FIGNL2: variants seen among roughly 807,000 people sequenced by gnomAD.
FIGNL2 encodes fidgetin-like protein 2.
For missense variants in FIGNL2, 1,060 were observed against 950.2 expected (o/e 1.12, Z -1.52); for synonymous variants, 565 against 484.0 (o/e 1.17, Z -2.20).
chr12:51,825,283 G>A (rs994130871), intron 1 of FIGNL2, among the ~76,000 whole-genome samples: 7 of 152,158 alleles, frequency 4.6e-5, no homozygotes, highest in African/African-American at 9.7e-5. Flanking sequence ...AGAAGACTCA[G>A]ATCTGGACTT....
chr12:51,824,797 A>G (rs1174577599), intron 1 of FIGNL2, among the ~76,000 whole-genome samples: 1 of 152,198 alleles, frequency 6.6e-6, no homozygotes, highest in African/African-American at 2.4e-5. Context: ...TAATCCCAAC[A>G]CTTTAGGAGG....
intron 1 of FIGNL2, among the ~76,000 whole-genome samples, chr12:51,831,426 GTAT>G (rs1247926329): frequency 2.3e-4 from 35 of 152,138 alleles, no homozygotes; most frequent in Non-Finnish European, 4.6e-4. Flanking sequence ...AGTTAAGCAG[GTAT>G]TATTTGCAGA....
At chr12:51,845,728 G>A (rs1404580612) in intron 1 of FIGNL2, 1 of 950,194 alleles carries the variant, frequency 1.1e-6, no homozygotes, top group Non-Finnish European at 1.3e-6. Flanking sequence ...GCAGGGGGAG[G>A]GGAAGGCAGG....
intron 1 of FIGNL2, among the ~76,000 whole-genome samples, chr12:51,834,414 C>A (rs1939545385): frequency 6.6e-6 from 1 of 152,168 alleles, no homozygotes; most frequent in African/African-American, 2.4e-5. Context: ...ACCCCCCACC[C>A]CATTGGGCTT....
intron 1 of FIGNL2, chr12:51,848,117 C>T: frequency 1.0e-6 from 1 of 984,994 alleles, no homozygotes; most frequent in Non-Finnish European, 1.2e-6. Flanking sequence ...GGACAAAGAC[C>T]TGACGGAGTG....
Position 51,820,730 on chromosome 12 carries a change from C to G in FIGNL2, c.1684G>C (p.Ala562Pro). The G allele has an allele frequency of 1.3e-6, 2 of 1,481,668 alleles. No homozygotes were observed. The highest frequency in any genetic ancestry group is 1.8e-6 in the Non-Finnish European group (2 of 1,125,576). 91.8% of individuals were successfully genotyped at this position (1,481,668 alleles called of 1,614,324 possible). The change falls in exon 2 of 2, where the codon GCC (alanine) becomes CCC (proline). Residue 562 changes from alanine (A) to proline (P), a missense_variant. Physicochemically the swap from Ala to Pro is conservative, Grantham distance 27. Coordinates refer to ENST00000618634, the MANE Select transcript of FIGNL2 (RefSeq NM_001384995.1). The part of the protein sequence containing the change: ...RFYVALPDSP[A>P]RGQILQRALA... The stretch of plus-strand genomic sequence containing the variant: ...GCCCGCTGCAGGATCTGCCCGCGGG[C>G]CGGGCTGTCGGGCAGCGCCACGTAG...
chr12:51,832,313 G>T (rs751206883), intron 1 of FIGNL2, among the ~76,000 whole-genome samples: 12 of 152,090 alleles, frequency 7.9e-5, no homozygotes, highest in Non-Finnish European at 1.8e-4. Flanking sequence ...CACTGTGCCC[G>T]GCCCCAAAAT....
At chr12:51,843,507 C>A (rs1161325418) in intron 1 of FIGNL2, among the ~76,000 whole-genome samples, 1 of 149,500 alleles carries the variant, frequency 6.7e-6, no homozygotes, top group Non-Finnish European at 1.5e-5. Context: ...AAGATCATGC[C>A]ACTGCACTGC....
intron 1 of FIGNL2, among the ~76,000 whole-genome samples, chr12:51,827,663 G>T (rs775112614): frequency 1.1e-4 from 16 of 152,208 alleles, no homozygotes; most frequent in Non-Finnish European, 2.1e-4. Flanking sequence ...CCCCAACCTT[G>T]CTGAGTGACA....
chr12:51,832,126 C>T (rs1281147032), intron 1 of FIGNL2, among the ~76,000 whole-genome samples: 7 of 152,142 alleles, frequency 4.6e-5, no homozygotes, highest in Non-Finnish European at 1.0e-4. Flanking sequence ...AAGCAATTCT[C>T]CTGCCTCAGC....
chr12:51,822,636 C>T (rs181519436), intron 1 of FIGNL2, among the ~76,000 whole-genome samples: 1 of 152,292 alleles, frequency 6.6e-6, no homozygotes, highest in East Asian at 1.9e-4. Context: ...AAATATTTTC[C>T]TCAGCGCCCA....
intron 1 of FIGNL2, among the ~76,000 whole-genome samples, chr12:51,826,225 G>A (rs952584381): frequency 6.6e-6 from 1 of 152,022 alleles, no homozygotes; most frequent in Admixed American, 6.5e-5. Flanking sequence ...GACCTCTCTT[G>A]ACCCTGGGTT....
chr12:51,826,866 G>A (rs907987862), intron 1 of FIGNL2, among the ~76,000 whole-genome samples: 2 of 151,308 alleles, frequency 1.3e-5, no homozygotes, highest in African/African-American at 2.5e-5. Flanking sequence ...GATGTCTCAC[G>A]TGAGTCTGAA....
rs1939803114 is a variant in FIGNL2 at position 51,848,629 on chromosome 12, G to A, written c.-101C>T. On this transcript the variant is annotated 5_prime_UTR_variant, in exon 1 of 2. Coordinates refer to ENST00000618634, the MANE Select transcript of FIGNL2 (RefSeq NM_001384995.1). ...CGGGGCGGCGGCGCGGGCCGGGGGC[G>A]ACAGGCCTGGGCTGGGGGGCAGTGG... 3 of 741,340 alleles carry A rather than the reference G, an allele frequency of 4.0e-6. No individual in the cohort carries two copies. Among genetic ancestry groups the A allele is most frequent in the Non-Finnish European group, 4.9e-6 (3 of 607,556 alleles). 45.9% of individuals were successfully genotyped at this position (741,340 alleles called of 1,614,324 possible). A position where few individuals can be genotyped will look rare whatever the true frequency, so the allele number is the denominator to read the frequency against.
intron 1 of FIGNL2, chr12:51,845,450 G>A: frequency 1.1e-6 from 1 of 937,466 alleles, no homozygotes; most frequent in Non-Finnish European, 1.2e-6. Flanking sequence ...TTGACCTCTT[G>A]TGGCTCACCG....
chr12:51,826,384 T>G lies in FIGNL2; in HGVS notation c.-11-3960A>C, dbSNP rs189976509. 2.6e-3 allele frequency among the ~76,000 whole-genome samples: 399 copies of G among 151,986 alleles called. 1 individual carries two copies. Among genetic ancestry groups the G allele is most frequent in the African/African-American group, 9.2e-3 (380 of 41,410 alleles). On this transcript the variant is annotated intron_variant, in intron 1 of 1. Coordinates refer to ENST00000618634, the MANE Select transcript of FIGNL2 (RefSeq NM_001384995.1). ...TGGCTCACGCCTGTAATCCCAGCAC[T>G]TTGTGAGGCTGAGGCGGGTGGATCA...
chr12:51,820,519 G>A lies in FIGNL2; in HGVS notation c.1895C>T (p.Pro632Leu), dbSNP rs749194996. 4.5e-6 allele frequency: 7 copies of A among 1,572,834 alleles called. No individual in the cohort carries two copies. The highest frequency in any genetic ancestry group is 1.3e-5 in the African/African-American group (1 of 74,228). ...DLEAALAKVG[P>L]RASAKELDSF... The stretch of plus-strand genomic sequence containing the variant: ...GTCCAGTTCCTTGGCAGAGGCCCTA[G>A]GGCCCACCTTGGCCAGCGCCGCCTC... Residue 632 changes from proline (P) to leucine (L), a missense_variant, in exon 2 of 2, where the codon CCT becomes CTT. Coordinates refer to ENST00000618634, the MANE Select transcript of FIGNL2 (RefSeq NM_001384995.1).
chr12:51,842,709 T>G (rs1419511021), intron 1 of FIGNL2, among the ~76,000 whole-genome samples: 2 of 152,032 alleles, frequency 1.3e-5, no homozygotes, highest in Non-Finnish European at 2.9e-5. Context: ...AAGCCCCTGC[T>G]GTCAGATGCT....
At position 51,848,599 on chromosome 12, in the gene FIGNL2, G is replaced by C. The variant is rs1939802176; in HGVS notation, c.-71C>G. 2.1e-6 allele frequency: 2 copies of C among 951,590 alleles called. No individual in the cohort carries two copies. The highest frequency in any genetic ancestry group is 1.8e-5 in the African/African-American group (1 of 56,442). The allele number at this position is 951,590 out of a possible 1,614,324, so 58.9% of individuals were successfully genotyped here. A position where few individuals can be genotyped will look rare whatever the true frequency, so the allele number is the denominator to read the frequency against. On this transcript the variant is annotated 5_prime_UTR_variant, in exon 1 of 2. Coordinates refer to ENST00000618634, the MANE Select transcript of FIGNL2 (RefSeq NM_001384995.1). Reference sequence around the variant, plus strand: ...GCGGCCTGGGGGCGCGTCCGGCCCGGGGACCGGGGCGGCGGCGCGGGCCGG... The same window carrying C: ...GCGGCCTGGGGGCGCGTCCGGCCCGCGGACCGGGGCGGCGGCGCGGGCCGG...
Sources: allele counts gnomAD v4.1 joint callset (sites outside exome capture counted in the v4.1 genomes callset), GRCh38; gene constraint gnomAD v4.1.1; transcripts MANE v1.5; gene names NCBI Gene and HGNC (gene_info 2026-07-23, HGNC 2026-07-21).